ZNF846: variants seen among roughly 807,000 people sequenced by gnomAD.
ZNF846 encodes zinc finger protein 846.
Under a neutral mutation model 16.0 loss-of-function variants are expected in ZNF846, and 15 were observed. The ratio of observed to expected loss-of-function variants is 0.94; its 90% CI spans 0.63 to 1.45. The LOEUF (loss-of-function observed/expected upper bound fraction) is 1.45. Ranked by LOEUF, ZNF846 falls within the 40% of genes most tolerant of loss-of-function variation. The pLI is 0.00. For missense variants in ZNF846, 714 were observed against 622.3 expected (o/e 1.15, Z -1.57); for synonymous variants, 229 against 212.0 (o/e 1.08, Z -0.70).
intron 5 of ZNF846, among the ~76,000 whole-genome samples, chr19:9,759,256 C>G (rs749740506): frequency 6.6e-6 from 1 of 151,818 alleles, no homozygotes; most frequent in African/African-American, 2.4e-5. Flanking sequence ...CTTTGGCCTC[C>G]CAAAGTGCTG....
rs193298556 is a variant in ZNF846, at chr19:9,781,905, G to A, written c.-86+4033C>T. On this transcript the variant is annotated intron_variant, in intron 1 of 4. Transcript: ENST00000586814. ...GGATTCTCCTGTCTCAGCCTCCCAA[G>A]TAGCTGGGATTACAGGTGCACATCA... Among the ~76,000 whole-genome samples, 269 of 151,422 alleles carry A rather than the reference G, an allele frequency of 1.8e-3. 1 individual carries two copies. Among genetic ancestry groups the A allele is most frequent in the Admixed American group, 5.1e-3 (78 of 15,146 alleles).
chr19:9,751,537 C>T (rs1416099715), downstream of ZNF846, among the ~76,000 whole-genome samples: 1 of 152,090 alleles, frequency 6.6e-6, no homozygotes, highest in Admixed American at 6.5e-5. Flanking sequence ...AACATTCCTC[C>T]CCACCCTTGT....
intron 1 of ZNF846, among the ~76,000 whole-genome samples, chr19:9,784,464 C>T (rs1009180110): frequency 6.6e-6 from 1 of 152,202 alleles, no homozygotes; most frequent in Non-Finnish European, 1.5e-5. Context: ...AGCCATAAGG[C>T]GGTTTTCTCC....
downstream of ZNF846, among the ~76,000 whole-genome samples, chr19:9,757,308 A>T (rs1209174096): frequency 2.0e-5 from 3 of 151,818 alleles, no homozygotes; most frequent in African/African-American, 7.3e-5. Context: ...GATGTGAAGA[A>T]TTACTACTCT....
intron 1 of ZNF846, among the ~76,000 whole-genome samples, chr19:9,779,854 T>C (rs1599403459): frequency 6.6e-6 from 1 of 151,432 alleles, no homozygotes; most frequent in Admixed American, 6.6e-5. Context: ...ATTACAAGCA[T>C]GAGTCACCAC....
intron 1 of ZNF846, among the ~76,000 whole-genome samples, chr19:9,766,345 C>T (rs1004077773): frequency 7.1e-6 from 1 of 141,296 alleles, no homozygotes; most frequent in African/African-American, 2.7e-5. Flanking sequence ...ACCAGGAAGA[C>T]AGAAATTACA....
At chr19:9,760,243 A>G (rs2045203120) in intron 4 of ZNF846, among the ~76,000 whole-genome samples, 1 of 151,108 alleles carries the variant, frequency 6.6e-6, no homozygotes, top group Non-Finnish European at 1.5e-5. Flanking sequence ...CGGTGAGGTG[A>G]GATCCACCAC....
intron 5 of ZNF846, among the ~76,000 whole-genome samples, chr19:9,759,140 G>A (rs918796426): frequency 6.6e-5 from 10 of 151,814 alleles, no homozygotes; most frequent in Non-Finnish European, 1.0e-4. Flanking sequence ...TAGGATTACA[G>A]GCATGTGCCA....
intron 3 of ZNF846, 21 bp from the exon 4 acceptor site, chr19:9,762,189 A>T (rs1198162666): frequency 6.3e-7 from 1 of 1,597,626 alleles, no homozygotes; most frequent in South Asian, 1.1e-5. Flanking sequence ...AAATGCACAA[A>T]AGAAGAGGCC....
chr19:9,779,880 CTTTT>C (rs770205406), intron 1 of ZNF846, among the ~76,000 whole-genome samples: 2 of 140,618 alleles, frequency 1.4e-5, no homozygotes, highest in Non-Finnish European at 3.1e-5. Context: ...GCCATCACGA[CTTTT>C]TTTTTTTTTT....
chr19:9,771,383 G>A (rs987878129), upstream of ZNF846, among the ~76,000 whole-genome samples: 1 of 152,058 alleles, frequency 6.6e-6, no homozygotes, highest in African/African-American at 2.4e-5. Context: ...TTCCCACGTT[G>A]GCCAGGCTGG....
At chr19:9,757,398 G>T (rs538203099), downstream of ZNF846, 37 of 1,185,538 alleles carry the variant, frequency 3.1e-5, no homozygotes, top group Non-Finnish European at 4.4e-5. Context: ...TTCAGTGAAG[G>T]TTGTTCATAT....
chr19:9,775,486 T>G (rs550550611), intron 1 of ZNF846, among the ~76,000 whole-genome samples: 4 of 152,008 alleles, frequency 2.6e-5, no homozygotes, highest in Non-Finnish European at 5.9e-5. Flanking sequence ...TTCAGAAAGG[T>G]GGTATTTCAG....
chr19:9,770,830 C>T (rs938456231), upstream of ZNF846, among the ~76,000 whole-genome samples: 8 of 151,418 alleles, frequency 5.3e-5, no homozygotes, highest in East Asian at 1.9e-4. Context: ...GATGGCGCCA[C>T]GGCACTTCAG....
chr19:9,751,589 T>C (rs973889763), downstream of ZNF846, among the ~76,000 whole-genome samples: 1 of 152,090 alleles, frequency 6.6e-6, no homozygotes, highest in Non-Finnish European at 1.5e-5. Flanking sequence ...CTGAATGTAC[T>C]TTGTAACATT....
chr19:9,766,876 G>T (rs1488583204), intron 1 of ZNF846, among the ~76,000 whole-genome samples: 1 of 142,242 alleles, frequency 7.0e-6, no homozygotes, highest in Non-Finnish European at 1.5e-5. Flanking sequence ...CTCCAGCCTG[G>T]CAACAGAGCA....
At chr19:9,750,746 A>T (rs1599378994), downstream of ZNF846, among the ~76,000 whole-genome samples, 1 of 151,826 alleles carries the variant, frequency 6.6e-6, no homozygotes. Flanking sequence ...AGCTATCTCA[A>T]CCTCTGTCAC....
chr19:9,757,493 C>T (rs2045149267), exon 6 of ZNF846: 1 of 1,589,364 alleles, frequency 6.3e-7, no homozygotes, highest in Admixed American at 1.8e-5. Flanking sequence ...TTTCACATGC[C>T]TTAGTTCTTA....
chr19:9,757,400 T>G, downstream of ZNF846: 1 of 1,195,304 alleles, frequency 8.4e-7, no homozygotes, highest in Non-Finnish European at 1.2e-6. Context: ...CAGTGAAGGT[T>G]GTTCATATTC....
Sources: allele counts gnomAD v4.1 joint callset (sites outside exome capture counted in the v4.1 genomes callset), GRCh38; gene constraint gnomAD v4.1.1; transcripts MANE v1.5; gene names NCBI Gene and HGNC (gene_info 2026-07-23, HGNC 2026-07-21).